TNFSF4: variants seen among roughly 807,000 people sequenced by gnomAD.
The protein encoded by TNFSF4 is TNF superfamily member 4.
Under a neutral mutation model 7.3 loss-of-function variants are expected in TNFSF4, and 4 were observed. The observed-to-expected ratio is 0.55, with a 90% CI of 0.27 to 1.25. TNFSF4 has a LOEUF of 1.25. TNFSF4 is among the 50% of genes most tolerant of loss of function. TNFSF4 has a pLI of 0.12. For synonymous variants in TNFSF4, 76 were observed against 83.7 expected (o/e 0.91, Z 0.50); for missense variants, 181 against 208.8 (o/e 0.87, Z 0.82).
the TNFSF4 span, among the ~76,000 whole-genome samples, chr1:173,440,947 G>A: frequency 5.3e-5 from 8 of 152,000 alleles, no homozygotes; most frequent in Non-Finnish European, 8.8e-5. Flanking sequence ...TAATTTTGTC[G>A]CAAGGTGAAG....
chr1:173,388,276 G>T, the TNFSF4 span, among the ~76,000 whole-genome samples: 16 of 152,298 alleles, frequency 1.1e-4, no homozygotes, highest in South Asian at 2.7e-3. Context: ...CTTCCAGAAA[G>T]CCTGAAAGAG....
At chr1:173,274,782 C>T in the TNFSF4 span, among the ~76,000 whole-genome samples, 3 of 152,078 alleles carry the variant, frequency 2.0e-5, no homozygotes, top group African/African-American at 2.4e-5. Context: ...ATTTTCTCAC[C>T]AGCACCAAAT....
chr1:173,322,406 G>A, the TNFSF4 span, among the ~76,000 whole-genome samples: 1 of 152,052 alleles, frequency 6.6e-6, no homozygotes, highest in Non-Finnish European at 1.5e-5. Context: ...ATGATGGGGG[G>A]TGGAGCCAAG....
intron 1 of TNFSF4, among the ~76,000 whole-genome samples, chr1:173,203,045 T>C (rs7529929): frequency 6.6e-6 from 1 of 152,040 alleles, no homozygotes; most frequent in Admixed American, 6.6e-5. Context: ...TGAGTGTAAA[T>C]AGTTCAAAAA....
the TNFSF4 span, among the ~76,000 whole-genome samples, chr1:173,239,592 A>T: frequency 1.3e-5 from 2 of 152,220 alleles, no homozygotes; most frequent in South Asian, 2.1e-4. Context: ...AACAGAAGAG[A>T]TGTCTGTGAT....
chr1:173,392,557 T>C, the TNFSF4 span, among the ~76,000 whole-genome samples: 1 of 152,222 alleles, frequency 6.6e-6, no homozygotes, highest in Non-Finnish European at 1.5e-5. Flanking sequence ...CATTTATTCA[T>C]TGCTACTCAT....
chr1:173,196,650 G>A (rs532080892), intron 1 of TNFSF4, among the ~76,000 whole-genome samples: 58 of 152,296 alleles, frequency 3.8e-4, no homozygotes, highest in African/African-American at 1.3e-3. Flanking sequence ...AGATTCCCAA[G>A]AGAAATGTCC....
the TNFSF4 span, among the ~76,000 whole-genome samples, chr1:173,389,628 TAGTCCAATATAACCCAAAA>T: frequency 2.0e-5 from 3 of 152,206 alleles, no homozygotes; most frequent in Admixed American, 2.0e-4. Context: ...GAAGATCTTC[TAGTCCAATATAACCCAAAA>T]AGATGTATTC....
the TNFSF4 span, among the ~76,000 whole-genome samples, chr1:173,330,063 C>A: frequency 2.0e-5 from 3 of 152,054 alleles, no homozygotes; most frequent in African/African-American, 7.2e-5. Flanking sequence ...AACACTGGTA[C>A]TTTCAAAAAT....
chr1:173,218,256 T>C, the TNFSF4 span, among the ~76,000 whole-genome samples: 799 of 152,302 alleles, frequency 5.2e-3, 11 homozygotes, highest in South Asian at 0.036. Context: ...GAACTGTTGT[T>C]CTTCCTGAAT....
At chr1:173,413,083 G>A in the TNFSF4 span, among the ~76,000 whole-genome samples, 1 of 152,102 alleles carries the variant, frequency 6.6e-6, no homozygotes, top group Non-Finnish European at 1.5e-5. Flanking sequence ...TCTCCAAGGG[G>A]GATTGAAAAG....
chr1:173,276,102 C>T, the TNFSF4 span, among the ~76,000 whole-genome samples: 4 of 151,948 alleles, frequency 2.6e-5, no homozygotes, highest in East Asian at 1.9e-4. Flanking sequence ...ATATCAATAT[C>T]GACAACCAAC....
chr1:173,186,369 G>A lies in TNFSF4; in HGVS notation c.*147C>T, dbSNP rs1356235917. The A allele has an allele frequency of 2.1e-5, 13 of 611,134 alleles. No individual in the cohort carries two copies. Among genetic ancestry groups the A allele is most frequent in the Non-Finnish European group, 3.4e-5 (12 of 349,840 alleles). 37.9% of individuals were successfully genotyped at this position (611,134 alleles called of 1,614,324 possible). A position where few individuals can be genotyped will look rare whatever the true frequency, so the allele number is the denominator to read the frequency against. On this transcript the variant is annotated 3_prime_UTR_variant, in exon 3 of 3. Transcript: ENST00000281834. Reference sequence around the variant, plus strand: ...AGTTTTAAATATCCCTGAGGGGTGGGGGCGGGAGGGCCAGGATCTGCTTCT... The same window carrying A: ...AGTTTTAAATATCCCTGAGGGGTGGAGGCGGGAGGGCCAGGATCTGCTTCT...
the TNFSF4 span, among the ~76,000 whole-genome samples, chr1:173,250,240 AT>A: frequency 4.6e-5 from 7 of 152,290 alleles, no homozygotes; most frequent in African/African-American, 1.4e-4. Context: ...GTTTTCATTA[AT>A]TTTACCATTT....
At chr1:173,200,450 A>T (rs887188685) in intron 1 of TNFSF4, among the ~76,000 whole-genome samples, 1 of 152,226 alleles carries the variant, frequency 6.6e-6, no homozygotes, top group African/African-American at 2.4e-5. Context: ...ATTCTAAAAA[A>T]CGGTTTGAGT....
chr1:173,342,479 C>A, the TNFSF4 span, among the ~76,000 whole-genome samples: 1 of 152,000 alleles, frequency 6.6e-6, no homozygotes, highest in Non-Finnish European at 1.5e-5. Flanking sequence ...TTCATTCTTC[C>A]TTTTTGACAA....
chr1:173,254,679 A>C, the TNFSF4 span, among the ~76,000 whole-genome samples: 2 of 152,254 alleles, frequency 1.3e-5, no homozygotes, highest in African/African-American at 4.8e-5. Flanking sequence ...AGGAATCACC[A>C]GATCAAGGGT....
the TNFSF4 span, among the ~76,000 whole-genome samples, chr1:173,309,441 A>G: frequency 1.3e-5 from 2 of 151,882 alleles, no homozygotes; most frequent in Non-Finnish European, 2.9e-5. Context: ...GAATTTTATC[A>G]GAGATTTTTC....
chr1:173,389,121 C>A, the TNFSF4 span, among the ~76,000 whole-genome samples: 1 of 152,136 alleles, frequency 6.6e-6, no homozygotes, highest in South Asian at 2.1e-4. Flanking sequence ...ATAGGAAAAA[C>A]TAAAGCTATC....
Sources: allele counts gnomAD v4.1 joint callset (sites outside exome capture counted in the v4.1 genomes callset), GRCh38; gene constraint gnomAD v4.1.1; transcripts MANE v1.5; gene names NCBI Gene and HGNC (gene_info 2026-07-23, HGNC 2026-07-21).